Variants in CACNA1D observed in about 807,000 individuals in gnomAD.
The protein encoded by CACNA1D is voltage-dependent L-type calcium channel subunit alpha-1D.
CACNA1D carries 55 observed loss-of-function variants against 257.1 expected under a neutral mutation model. The ratio of observed to expected loss-of-function variants is 0.21; its 90% confidence interval spans 0.17 to 0.27. The LOEUF (loss-of-function observed/expected upper bound fraction) is 0.27. Ranked by LOEUF, CACNA1D falls within the 10% of genes least tolerant of loss-of-function variation. The pLI is 1.00. For missense variants in CACNA1D, 1,876 were observed against 2,784.0 expected (o/e 0.67, Z 7.34); for synonymous variants, 980 against 1,014.9 (o/e 0.97, Z 0.65).
intron 8 of CACNA1D, among the ~76,000 whole-genome samples, chr3:53,683,738 C>A (rs1255109119): frequency 6.6e-6 from 1 of 152,068 alleles, no homozygotes; most frequent in East Asian, 1.9e-4. Flanking sequence ...AGTACAATAT[C>A]TGAAAAAAGT....
chr3:53,715,552 T>A (rs370561701), intron 9 of CACNA1D, among the ~76,000 whole-genome samples: 1 of 152,050 alleles, frequency 6.6e-6, no homozygotes, highest in Non-Finnish European at 1.5e-5. Context: ...TCTGAGATGA[T>A]GGAGTTAACA....
chr3:53,660,373 C>T lies in CACNA1D; in HGVS notation c.766+98C>T, dbSNP rs2094191517. The T allele has an allele frequency of 2.5e-6, 3 of 1,178,824 alleles. No homozygotes were observed. The South Asian group carries it at 3.7e-5, about 15-fold the overall frequency. The allele number at this position is 1,178,824 out of a possible 1,614,324, so 73.0% of individuals were successfully genotyped here. A position where few individuals can be genotyped will look rare whatever the true frequency, so the allele number is the denominator to read the frequency against. On this transcript the variant is annotated intron_variant, in intron 5 of 47. Transcript: ENST00000350061. ...TGCTTTGAGGTGAGTTGCTCTGTGC[C>T]AGCCAGGGGTCAGCAGATGACCATG...
intron 22 of CACNA1D, among the ~76,000 whole-genome samples, chr3:53,743,626 A>T (rs781022704): frequency 5.3e-5 from 8 of 152,250 alleles, no homozygotes; most frequent in Non-Finnish European, 1.0e-4. Context: ...GCTGAAAGTC[A>T]GGGCCCCAGG....
At chr3:53,764,416 G>GA (rs1559646339) in intron 30 of CACNA1D, among the ~76,000 whole-genome samples, 1 of 152,130 alleles carries the variant, frequency 6.6e-6, no homozygotes, top group African/African-American at 2.4e-5. Context: ...TAATGGAAGC[G>GA]AAAATACAAT....
chr3:53,520,823 C>G (rs1168098961), intron 3 of CACNA1D, among the ~76,000 whole-genome samples: 3 of 151,402 alleles, frequency 2.0e-5, no homozygotes, highest in Non-Finnish European at 4.4e-5. Context: ...ATACCAGTTC[C>G]TTTTTGGATT....
intron 28 of CACNA1D, among the ~76,000 whole-genome samples, chr3:53,752,769 T>G (rs1454042436): frequency 6.6e-6 from 1 of 152,184 alleles, no homozygotes; most frequent in African/African-American, 2.4e-5. Context: ...TAAGTCACAC[T>G]CCTGTCCTCA....
chr3:53,803,165 G>A (rs1162057132), intron 43 of CACNA1D, among the ~76,000 whole-genome samples: 1 of 152,068 alleles, frequency 6.6e-6, no homozygotes, highest in Non-Finnish European at 1.5e-5. Context: ...CAAGGCCTCT[G>A]GACACAATGG....
chr3:53,601,556 A>G (rs541498504), intron 3 of CACNA1D, among the ~76,000 whole-genome samples: 4 of 152,176 alleles, frequency 2.6e-5, no homozygotes, highest in Non-Finnish European at 5.9e-5. Flanking sequence ...TGCCAACTTT[A>G]GCCATCCTGG....
chr3:53,698,166 A>G (rs557499256), intron 8 of CACNA1D, among the ~76,000 whole-genome samples: 2 of 152,346 alleles, frequency 1.3e-5, no homozygotes, highest in East Asian at 3.9e-4. Context: ...TAAAATAAAC[A>G]TCTTTTAGAA....
rs55830580 is a variant in CACNA1D at position 53,501,827 on chromosome 3, TG to T, written c.483+108del. The T allele has an allele frequency of 0.034, 24,920 of 723,264 alleles. 1,464 individuals are homozygous for T. The highest frequency in any genetic ancestry group is 0.15 in the East Asian group (6,020 of 39,042). The allele number at this position is 723,264 out of a possible 1,614,324, so 44.8% of individuals were successfully genotyped here. A position where few individuals can be genotyped will look rare whatever the true frequency, so the allele number is the denominator to read the frequency against. On this transcript the variant is annotated intron_variant, in intron 3 of 47. Transcript: ENST00000350061. ...GGTGGTTGAAGTTTATAGCTATGCA[TG>T]TCGTGTTTCTTGGAGCTTTGCAACA...
intron 40 of CACNA1D, among the ~76,000 whole-genome samples, chr3:53,799,541 G>A (rs766044492): frequency 2.0e-5 from 3 of 152,214 alleles, no homozygotes; most frequent in Non-Finnish European, 4.4e-5. Flanking sequence ...AGGCTGATAA[G>A]CCACTTTCAG....
chr3:53,532,122 T>C (rs951611885), intron 3 of CACNA1D, among the ~76,000 whole-genome samples: 1 of 152,220 alleles, frequency 6.6e-6, no homozygotes, highest in African/African-American at 2.4e-5. Flanking sequence ...TACTGAATTG[T>C]CGCAAAGTTA....
intron 30 of CACNA1D, among the ~76,000 whole-genome samples, chr3:53,767,805 C>T (rs1057361980): frequency 6.6e-6 from 1 of 152,168 alleles, no homozygotes; most frequent in African/African-American, 2.4e-5. Flanking sequence ...TGGCAACTTG[C>T]ACTGTCCCCC....
chr3:53,782,256 G>A (rs1265048712), intron 39 of CACNA1D: 3 of 56,146 alleles, frequency 5.3e-5, no homozygotes, highest in African/African-American at 2.5e-4. Flanking sequence ...GTGTGTGTGT[G>A]TGTGTGTGTA....
At chr3:53,738,390 G>A (rs2095079845) in intron 20 of CACNA1D, among the ~76,000 whole-genome samples, 1 of 152,190 alleles carries the variant, frequency 6.6e-6, no homozygotes, top group Admixed American at 6.5e-5. Flanking sequence ...GTCTTGATTT[G>A]TCCTCACAGA....
intron 3 of CACNA1D, among the ~76,000 whole-genome samples, chr3:53,630,328 A>G (rs753467889): frequency 3.3e-5 from 5 of 152,234 alleles, no homozygotes; most frequent in Non-Finnish European, 5.9e-5. Context: ...CTAAATGTCT[A>G]TGGTTTTTTC....
intron 9 of CACNA1D, among the ~76,000 whole-genome samples, chr3:53,716,557 T>C (rs1309021245): frequency 7.0e-6 from 1 of 142,076 alleles, no homozygotes; most frequent in Non-Finnish European, 1.5e-5. Context: ...ATGATTAGAG[T>C]CGTATTTTTT....
At chr3:53,575,526 GAGTACA>G (rs1474000549) in intron 3 of CACNA1D, among the ~76,000 whole-genome samples, 1 of 152,142 alleles carries the variant, frequency 6.6e-6, no homozygotes, top group Non-Finnish European at 1.5e-5. Context: ...CTAGAGATAC[GAGTACA>G]TGGCAAGAGA....
chr3:53,684,154 G>A lies in CACNA1D; in HGVS notation c.1220+11028G>A, dbSNP rs192146283. Among the ~76,000 whole-genome samples the A allele has an allele frequency of 7.9e-5, 12 of 152,242 alleles. No homozygotes were observed. In the East Asian group the frequency reaches 1.7e-3, roughly 22 times the overall value. ...TCTTCAAAGAGGTAAAAGGAAAAAC[G>A]ATTCTGTATGAAGCAAGAATACCCT... On this transcript the variant is annotated intron_variant, in intron 8 of 47. Coordinates refer to ENST00000350061, the MANE Select transcript of CACNA1D (RefSeq NM_001128840.3).
Sources: allele counts gnomAD v4.1 joint callset (sites outside exome capture counted in the v4.1 genomes callset), GRCh38; gene constraint gnomAD v4.1.1; transcripts MANE v1.5; gene names NCBI Gene and HGNC (gene_info 2026-07-23, HGNC 2026-07-21).